KCNIP4: variants seen among roughly 807,000 people sequenced by gnomAD.
KCNIP4 encodes the protein potassium voltage-gated channel interacting protein 4, also known as Kv channel-interacting protein 4.
Under a neutral mutation model 34.0 loss-of-function variants are expected in KCNIP4, and 12 were observed. The observed-to-expected ratio is 0.35, with a 90% CI of 0.23 to 0.57. The LOEUF (loss-of-function observed/expected upper bound fraction) is 0.57, where lower values mean the gene tolerates loss of function less well. Ranked by LOEUF, KCNIP4 falls within the 20% of genes least tolerant of loss-of-function variation. KCNIP4 has a pLI of 0.83. For missense variants in KCNIP4, 238 were observed against 311.7 expected, an observed-to-expected ratio of 0.76 and a Z score of 1.78; for synonymous variants, 124 against 102.2, an observed-to-expected ratio of 1.21 and a Z score of -1.29.
intron 1 of KCNIP4, among the ~76,000 whole-genome samples, chr4:21,455,704 C>T (rs771343228): frequency 1.1e-4 from 17 of 147,930 alleles, no homozygotes; most frequent in African/African-American, 4.2e-4. Flanking sequence ...ATCTACAACA[C>T]CCTTTTTTTT....
chr4:21,186,497 AAGC>A (rs1755240686), intron 1 of KCNIP4, among the ~76,000 whole-genome samples: 3 of 152,210 alleles, frequency 2.0e-5, no homozygotes, highest in Non-Finnish European at 4.4e-5. Flanking sequence ...TCACCTTTTC[AAGC>A]ATCTCTAAGT....
intron 1 of KCNIP4, among the ~76,000 whole-genome samples, chr4:21,565,562 C>A (rs774792077): frequency 2.6e-5 from 4 of 152,096 alleles, no homozygotes; most frequent in Non-Finnish European, 5.9e-5. Context: ...GAAATGGCAA[C>A]TATTTGTGTC....
chr4:21,431,475 T>C (rs1312023331), intron 1 of KCNIP4, among the ~76,000 whole-genome samples: 3 of 152,148 alleles, frequency 2.0e-5, no homozygotes, highest in African/African-American at 7.2e-5. Flanking sequence ...TGAATATTTA[T>C]ATACTGCATA....
chr4:21,758,803 G>A (rs923027751), intron 1 of KCNIP4, among the ~76,000 whole-genome samples: 2 of 151,988 alleles, frequency 1.3e-5, no homozygotes, highest in Admixed American at 1.3e-4. Flanking sequence ...GGTAATTATT[G>A]TCACTATCAG....
intron 1 of KCNIP4, among the ~76,000 whole-genome samples, chr4:21,101,558 T>A (rs543453179): frequency 6.6e-6 from 1 of 152,220 alleles, no homozygotes; most frequent in African/African-American, 2.4e-5. Context: ...GGCAGATATG[T>A]AGAGACAGAA....
In KCNIP4 at chr4:21,935,866, G is replaced by A. The variant is rs181032755; in HGVS notation, c.61+12705C>T. On this transcript the variant is annotated intron_variant, in intron 1 of 8. Coordinates refer to ENST00000382152, the MANE Select transcript of KCNIP4 (RefSeq NM_025221.6). Reference sequence around the variant, plus strand: ...ATCCTCAGTGCAACCTGGTGATATAGGTTCTCTTCAGTGATTCGCAACTTA... The same window carrying A: ...ATCCTCAGTGCAACCTGGTGATATAAGTTCTCTTCAGTGATTCGCAACTTA... 5.9e-5 allele frequency among the ~76,000 whole-genome samples: 9 copies of A among 151,850 alleles called. No individual in the cohort carries two copies. In the East Asian group the frequency reaches 1.8e-3, roughly 30 times the overall value.
At chr4:20,993,027 C>CAAAA (rs11416440) in intron 1 of KCNIP4, among the ~76,000 whole-genome samples, 13 of 41,984 alleles carry the variant, frequency 3.1e-4, no homozygotes, top group East Asian at 9.6e-4. Flanking sequence ...GACTCCATCT[C>CAAAA]AAAAAAAAAA....
At chr4:21,809,573 TC>T (rs1721501241) in intron 1 of KCNIP4, among the ~76,000 whole-genome samples, 1 of 152,214 alleles carries the variant, frequency 6.6e-6, no homozygotes, top group South Asian at 2.1e-4. Flanking sequence ...AATGTAGGTA[TC>T]TCATCTTTCC....
intron 1 of KCNIP4, among the ~76,000 whole-genome samples, chr4:21,454,862 T>C (rs1176314597): frequency 6.6e-6 from 1 of 152,094 alleles, no homozygotes; most frequent in Non-Finnish European, 1.5e-5. Flanking sequence ...ATGCAACTTA[T>C]TGGAAAGATA....
chr4:21,759,055 C>G (rs751127958), intron 1 of KCNIP4, among the ~76,000 whole-genome samples: 5 of 152,132 alleles, frequency 3.3e-5, no homozygotes, highest in Non-Finnish European at 4.4e-5. Context: ...TAGTATTACT[C>G]ATGACATTGA....
Position 21,871,266 on chromosome 4 carries a change from C to T in KCNIP4, c.61+77305G>A, listed in dbSNP as rs1206108051. Among the ~76,000 whole-genome samples, 6 of 127,810 alleles carry T rather than the reference C, an allele frequency of 4.7e-5. No homozygotes were observed. The East Asian group carries it at 1.5e-3, about 31-fold the overall frequency. The allele number at this position is 127,810 out of a possible 152,430, so 83.8% of individuals were successfully genotyped here. A position where few individuals can be genotyped will look rare whatever the true frequency, so the allele number is the denominator to read the frequency against. ...CCCCTCCCCCCTCCCCGCTCCCCAC[C>T]TCCCCCCACCCCACAACAGGCCCCG... On this transcript the variant is annotated intron_variant, in intron 1 of 8. Transcript: ENST00000382152.
intron 1 of KCNIP4, among the ~76,000 whole-genome samples, chr4:21,480,669 A>C (rs1034050514): frequency 3.3e-5 from 5 of 152,216 alleles, no homozygotes; most frequent in Non-Finnish European, 7.4e-5. Flanking sequence ...CCAAATATTC[A>C]GTTTATAATA....
chr4:21,730,059 A>G (rs1004743916), intron 1 of KCNIP4: 1 of 152,114 alleles, frequency 6.6e-6, no homozygotes, highest in Admixed American at 6.5e-5. Context: ...CAGTTATTTT[A>G]TGGTTTTGCT....
At chr4:20,828,143 C>T (rs1717986098) in intron 3 of KCNIP4, among the ~76,000 whole-genome samples, 1 of 152,100 alleles carries the variant, frequency 6.6e-6, no homozygotes, top group South Asian at 2.1e-4. Flanking sequence ...TAAAAAGCTA[C>T]AGGGATCAGG....
chr4:20,872,349 C>T (rs1723566819), intron 2 of KCNIP4, among the ~76,000 whole-genome samples: 1 of 152,044 alleles, frequency 6.6e-6, no homozygotes, highest in Admixed American at 6.6e-5. Flanking sequence ...TGAAACCTTA[C>T]AAATAAAGAT....
chr4:20,770,205 C>T (rs749392445), intron 3 of KCNIP4, among the ~76,000 whole-genome samples: 5 of 152,084 alleles, frequency 3.3e-5, no homozygotes, highest in Admixed American at 6.6e-5. Context: ...CACCACAACT[C>T]GCAACTATAT....
intron 1 of KCNIP4, among the ~76,000 whole-genome samples, chr4:21,312,283 C>T (rs1713269337): frequency 1.3e-5 from 2 of 152,172 alleles, no homozygotes; most frequent in Admixed American, 1.3e-4. Flanking sequence ...TCGTGGTGCT[C>T]AAACTGTTAT....
intron 1 of KCNIP4, among the ~76,000 whole-genome samples, chr4:20,965,043 G>A (rs752226658): frequency 3.3e-5 from 5 of 152,070 alleles, no homozygotes; most frequent in Non-Finnish European, 5.9e-5. Flanking sequence ...TGGAGAGAAG[G>A]CAACATAAGA....
chr4:21,242,196 C>G (rs1349418986), intron 1 of KCNIP4, among the ~76,000 whole-genome samples: 1 of 142,300 alleles, frequency 7.0e-6, no homozygotes, highest in African/African-American at 2.6e-5. Flanking sequence ...AGAATGTCTT[C>G]TTATGTTCCT....
Sources: gnomAD v4.1 joint callset for allele counts (sites outside exome capture counted in the v4.1 genomes callset) on GRCh38, gnomAD v4.1.1 for gene constraint, MANE v1.5 for transcripts, NCBI Gene and HGNC (gene_info 2026-07-23, HGNC 2026-07-21) for gene names.